C5orf58: variants seen among roughly 807,000 people sequenced by gnomAD.
The protein encoded by C5orf58 is putative uncharacterized protein C5orf58.
A neutral mutation model predicts 2.9 loss-of-function variants in C5orf58; 2 were observed. That is an observed-to-expected ratio of 0.69 (90% CI 0.28 to 2.18). C5orf58 has a LOEUF of 2.18. Ranked by LOEUF, C5orf58 falls within the 30% of genes most tolerant of loss-of-function variation. C5orf58 has a pLI of 0.13. For missense variants in C5orf58, 96 were observed against 91.7 expected (o/e 1.05, Z -0.19); for synonymous variants, 37 against 33.4 (o/e 1.11, Z -0.37).
chr5:170,237,270 G>A lies in C5orf58; in HGVS notation c.94+2200G>A, dbSNP rs1226200074. On this transcript the variant is annotated intron_variant, in intron 3 of 3. Transcript: ENST00000593851. ...GCACCCTCACTTCCTCCCCTAAATA[G>A]TAATGTCAGCAGCCAACCTTTACAG... 1.5e-5 allele frequency: 6 copies of A among 398,380 alleles called. No homozygotes were observed. In the East Asian group the frequency reaches 2.1e-4, roughly 14 times the overall value. The allele number at this position is 398,380 out of a possible 1,614,324, so 24.7% of individuals were successfully genotyped here. A position where few individuals can be genotyped will look rare whatever the true frequency, so the allele number is the denominator to read the frequency against.
chr5:170,252,422 A>G (rs1424512933), downstream of C5orf58: 2 of 1,484,904 alleles, frequency 1.3e-6, no homozygotes, highest in South Asian at 1.2e-5. Flanking sequence ...AAAATAAACT[A>G]TAGCACAATA....
intron 1 of C5orf58, chr5:170,233,729 C>A: frequency 5.7e-6 from 1 of 176,842 alleles, no homozygotes; most frequent in Non-Finnish European, 1.2e-5. Flanking sequence ...AGTGGCCTGG[C>A]CGAGCTCCCC....
At position 170,234,110 on chromosome 5, in the gene C5orf58, A is replaced by G. The variant is rs1437411269; in HGVS notation, c.-84-5A>G. ...ATTTTATTAATGTCTGGGAAACAAA[A>G]TTAGTTTTTTTACAGTGGCTCTGAA... is the stretch of plus-strand genomic sequence containing the variant. On this transcript the variant is annotated splice_polypyrimidine_tract_variant and splice_region_variant and intron_variant, in intron 1 of 3. Coordinates refer to ENST00000593851, the MANE Select transcript of C5orf58 (RefSeq NM_001102609.3). 1.5e-6 allele frequency: 2 copies of G among 1,365,860 alleles called. No homozygotes were observed. The highest frequency in any genetic ancestry group is 2.1e-4 in the Middle Eastern group (1 of 4,762). 84.6% of individuals were successfully genotyped at this position (1,365,860 alleles called of 1,614,324 possible).
chr5:170,236,788 A>G (rs1481012248), intron 3 of C5orf58, among the ~76,000 whole-genome samples: 1 of 152,232 alleles, frequency 6.6e-6, no homozygotes, highest in East Asian at 1.9e-4. Flanking sequence ...GTTAACTGCT[A>G]GTAGTCAAGG....
At chr5:170,250,633 T>C, downstream of C5orf58, 2 of 911,850 alleles carry the variant, frequency 2.2e-6, no homozygotes, top group East Asian at 2.4e-5. Context: ...ATCCTAAATT[T>C]GCCATACAGC....
At chr5:170,242,090 G>C (rs1332682000) in intron 3 of C5orf58, among the ~76,000 whole-genome samples, 1 of 147,352 alleles carries the variant, frequency 6.8e-6, no homozygotes, top group African/African-American at 2.5e-5. Context: ...TTATTGATTT[G>C]CATATATTGA....
intron 3 of C5orf58, among the ~76,000 whole-genome samples, chr5:170,238,573 G>A (rs1203403208): frequency 6.6e-6 from 1 of 152,100 alleles, no homozygotes; most frequent in African/African-American, 2.4e-5. Context: ...AGAGTTGAAG[G>A]GCATTTGTTT....
At chr5:170,245,422 G>T (rs933629421) in intron 3 of C5orf58, among the ~76,000 whole-genome samples, 1 of 152,190 alleles carries the variant, frequency 6.6e-6, no homozygotes, top group African/African-American at 2.4e-5. Flanking sequence ...AGCAATCAGC[G>T]AGACTCCGTG....
At chr5:170,248,628 A>C, downstream of C5orf58, 2 of 1,584,012 alleles carry the variant, frequency 1.3e-6, no homozygotes, top group Non-Finnish European at 1.7e-6. Flanking sequence ...TTGTCCATTG[A>C]CCAAGGCTGA....
downstream of C5orf58, among the ~76,000 whole-genome samples, chr5:170,249,578 A>G (rs981365912): frequency 7.2e-5 from 11 of 152,142 alleles, no homozygotes; most frequent in African/African-American, 2.7e-4. Flanking sequence ...TCAGGAGGTC[A>G]GACACGGTTC....
At chr5:170,247,649 T>A (rs1017450196), downstream of C5orf58, 3 of 152,032 alleles carry the variant, frequency 2.0e-5, no homozygotes, top group African/African-American at 4.8e-5. Flanking sequence ...GAGGAAAGAG[T>A]TTAATTACCT....
rs1561954377 is a variant in C5orf58 at position 170,234,958 on chromosome 5, GTTTTTC to G, written c.1-14_1-9del. On this transcript the variant is annotated splice_polypyrimidine_tract_variant and intron_variant, in intron 2 of 3. Transcript: ENST00000593851. Reference sequence around the variant, plus strand: ...AAATACTGATTTATACATTGTTTCTGTTTTTCTTTTAAAATCAGATGGGTAAGAAGC... The same window carrying G: ...AAATACTGATTTATACATTGTTTCTGTTTTAAAATCAGATGGGTAAGAAGC... The G allele has an allele frequency of 1.6e-6, 2 of 1,225,002 alleles. No homozygotes were observed. The highest frequency in any genetic ancestry group is 2.3e-6 in the Non-Finnish European group (2 of 860,390). 75.9% of individuals were successfully genotyped at this position (1,225,002 alleles called of 1,614,324 possible).
At chr5:170,241,484 G>T (rs1761005758) in intron 3 of C5orf58, among the ~76,000 whole-genome samples, 1 of 150,624 alleles carries the variant, frequency 6.6e-6, no homozygotes, top group South Asian at 2.1e-4. Flanking sequence ...CCTTGAAGAG[G>T]TCCTTCACAT....
At chr5:170,238,521 G>A (rs1326500438) in intron 3 of C5orf58, among the ~76,000 whole-genome samples, 1 of 152,110 alleles carries the variant, frequency 6.6e-6, no homozygotes, top group Non-Finnish European at 1.5e-5. Context: ...ACATACACAA[G>A]GAATGAAGGG....
chr5:170,251,410 C>T (rs940052431), intron 2 of C5orf58: 1 of 214,266 alleles, frequency 4.7e-6, no homozygotes, highest in African/African-American at 2.3e-5. Context: ...CAGATGTTCT[C>T]TTTTCTTTTC....
chr5:170,233,156 G>T (rs922772687), intron 1 of C5orf58, 149 bp downstream of exon 1: 31 of 184,372 alleles, frequency 1.7e-4, no homozygotes, highest in Non-Finnish European at 2.8e-4. Flanking sequence ...CCTCTCCCTG[G>T]GTGTCGGTTG....
chr5:170,248,489 C>G, downstream of C5orf58: 1 of 502,168 alleles, frequency 2.0e-6, no homozygotes, highest in Non-Finnish European at 3.5e-6. Flanking sequence ...GACTCATGCA[C>G]TTTACAAACA....
At chr5:170,234,550 A>T (rs79619487) in intron 2 of C5orf58, among the ~76,000 whole-genome samples, 1,816 of 152,270 alleles carry the variant, frequency 0.012, 30 homozygotes, top group African/African-American at 0.041. Context: ...TTCTTTTTTG[A>T]GTTTCACTGT....
Position 170,235,000 on chromosome 5 carries a change from T to A in C5orf58, c.24T>A (p.Asp8Glu). ...AGATGGGTAAGAAGCGTGTTACTGA[T>A]CATAAGCTAAATGTGGACAAAGTAA... MGKKRVT[D>E]HKLNVDKVIK... Residue 8 changes from aspartate to glutamate, a missense_variant, in exon 3 of 4, where the codon GAT (aspartate) becomes GAA (glutamate). Transcript: ENST00000593851. 1 of 1,542,196 alleles carries A rather than the reference T, an allele frequency of 6.5e-7. No homozygotes were observed. The highest frequency in any genetic ancestry group is 8.9e-7 in the Non-Finnish European group (1 of 1,124,594).
Sources: allele counts gnomAD v4.1 joint callset (sites outside exome capture counted in the v4.1 genomes callset), GRCh38; gene constraint gnomAD v4.1.1; transcripts MANE v1.5; gene names NCBI Gene and HGNC (gene_info 2026-07-23, HGNC 2026-07-21).